MAGI2: variants seen among roughly 807,000 people sequenced by gnomAD.
The protein encoded by MAGI2 is membrane-associated guanylate kinase, WW and PDZ domain-containing protein 2.
In MAGI2, 35 loss-of-function variants were observed where a neutral mutation model predicts 133.3. That is an observed-to-expected ratio of 0.26 (90% CI 0.20 to 0.35). The LOEUF is 0.35. MAGI2 is among the 10% of genes least tolerant of loss of function. The pLI is 1.00. For missense variants in MAGI2, 1,636 were observed against 1,863.4 expected, an observed-to-expected ratio of 0.88 and a Z score of 2.25; for synonymous variants, 729 against 710.6, an observed-to-expected ratio of 1.03 and a Z score of -0.41.
chr7:78,213,090 C>A (rs537575382), intron 10 of MAGI2, among the ~76,000 whole-genome samples: 2 of 152,216 alleles, frequency 1.3e-5, no homozygotes, highest in Non-Finnish European at 2.9e-5. Context: ...ACTTTAAAAT[C>A]CTTTCTAGTG....
intron 2 of MAGI2, among the ~76,000 whole-genome samples, chr7:78,928,950 C>A (rs993913885): frequency 4.6e-5 from 7 of 151,920 alleles, no homozygotes; most frequent in African/African-American, 1.7e-4. Flanking sequence ...TAACAGATAC[C>A]ATCCAAATGC....
chr7:79,222,183 G>T (rs543419808), intron 1 of MAGI2, among the ~76,000 whole-genome samples: 2 of 151,938 alleles, frequency 1.3e-5, no homozygotes, highest in African/African-American at 4.8e-5. Context: ...AAACAGAAAG[G>T]TTCATAATAG....
intron 2 of MAGI2, among the ~76,000 whole-genome samples, chr7:78,802,873 C>A (rs1473010391): frequency 6.6e-6 from 1 of 151,198 alleles, no homozygotes; most frequent in Non-Finnish European, 1.5e-5. Flanking sequence ...ATCTCCATAC[C>A]TTCTGCTCAA....
chr7:79,283,281 C>T (rs923982856), intron 1 of MAGI2, among the ~76,000 whole-genome samples: 2 of 152,038 alleles, frequency 1.3e-5, no homozygotes, highest in African/African-American at 2.4e-5. Flanking sequence ...ATGCATGAAA[C>T]ATTGACATTT....
intron 2 of MAGI2, among the ~76,000 whole-genome samples, chr7:78,909,449 A>G (rs1798231199): frequency 6.6e-6 from 1 of 151,080 alleles, no homozygotes; most frequent in Admixed American, 6.6e-5. Flanking sequence ...AAAAAACAAA[A>G]AAAATTAGCC....
chr7:79,155,662 G>A (rs1320716867), intron 1 of MAGI2, among the ~76,000 whole-genome samples: 1 of 152,130 alleles, frequency 6.6e-6, no homozygotes, highest in Non-Finnish European at 1.5e-5. Flanking sequence ...GTTTTAGACA[G>A]AGGGTATAGC....
At chr7:78,059,337 T>C (rs1812980737) in intron 21 of MAGI2, among the ~76,000 whole-genome samples, 1 of 152,216 alleles carries the variant, frequency 6.6e-6, no homozygotes, top group Non-Finnish European at 1.5e-5. Context: ...CCACCACCCA[T>C]AAAGCACTTC....
chr7:79,162,871 T>C (rs1585085601), intron 1 of MAGI2, among the ~76,000 whole-genome samples: 1 of 152,082 alleles, frequency 6.6e-6, no homozygotes, highest in Non-Finnish European at 1.5e-5. Flanking sequence ...CTTATAACTT[T>C]GACTTTTGGT....
At chr7:78,755,724 A>C (rs73365891) in intron 2 of MAGI2, among the ~76,000 whole-genome samples, 2,686 of 152,262 alleles carry the variant, frequency 0.018, 73 homozygotes, top group African/African-American at 0.062. Flanking sequence ...GTAAGTTCAT[A>C]TGCCAAAGGC....
At chr7:79,151,065 G>C (rs1306229067) in intron 1 of MAGI2, among the ~76,000 whole-genome samples, 1 of 151,912 alleles carries the variant, frequency 6.6e-6, no homozygotes, top group Non-Finnish European at 1.5e-5. Context: ...AAAAAAACAT[G>C]TTAGCTTCCT....
chr7:79,196,689 G>A (rs983080450), intron 1 of MAGI2, among the ~76,000 whole-genome samples: 1 of 151,580 alleles, frequency 6.6e-6, no homozygotes, highest in African/African-American at 2.4e-5. Flanking sequence ...TCTTTCATTT[G>A]TAGAGTTTCC....
chr7:78,261,784 C>T (rs2150963640), intron 9 of MAGI2, among the ~76,000 whole-genome samples: 1 of 152,188 alleles, frequency 6.6e-6, no homozygotes, highest in East Asian at 1.9e-4. Context: ...TTTGACTGAG[C>T]TTTATTTTCT....
intron 1 of MAGI2, among the ~76,000 whole-genome samples, chr7:79,165,639 T>C (rs1824835491): frequency 6.6e-6 from 1 of 152,106 alleles, no homozygotes; most frequent in Non-Finnish European, 1.5e-5. Context: ...GCTGACAACA[T>C]AATTAGCACC....
intron 2 of MAGI2, among the ~76,000 whole-genome samples, chr7:78,813,966 G>A (rs1438445700): frequency 6.6e-6 from 1 of 152,116 alleles, no homozygotes; most frequent in Non-Finnish European, 1.5e-5. Flanking sequence ...AGACAAGAAT[G>A]TTTGTGCTAA....
At chr7:78,987,751 G>A (rs142839571) in intron 2 of MAGI2, among the ~76,000 whole-genome samples, 28 of 151,990 alleles carry the variant, frequency 1.8e-4, no homozygotes, top group African/African-American at 5.1e-4. Context: ...GAAATAACCA[G>A]CATGTCAAGT....
chr7:78,200,416 G>A (rs116908543), intron 11 of MAGI2, among the ~76,000 whole-genome samples: 144 of 152,272 alleles, frequency 9.5e-4, no homozygotes, highest in African/African-American at 3.0e-3. Flanking sequence ...CTATACTGGC[G>A]CAGACATTTT....
At chr7:79,331,376 T>G (rs1010895968) in intron 1 of MAGI2, among the ~76,000 whole-genome samples, 2 of 152,210 alleles carry the variant, frequency 1.3e-5, no homozygotes, top group African/African-American at 4.8e-5. Flanking sequence ...TAGTAATAGT[T>G]GGAAATTTGA....
intron 2 of MAGI2, among the ~76,000 whole-genome samples, chr7:78,838,796 T>C (rs1235234147): frequency 1.3e-5 from 2 of 151,984 alleles, no homozygotes; most frequent in Non-Finnish European, 2.9e-5. Flanking sequence ...AGTTACAGAA[T>C]ACACAGACTA....
chr7:78,767,900 T>A (rs1291830206), intron 2 of MAGI2, among the ~76,000 whole-genome samples: 1 of 152,224 alleles, frequency 6.6e-6, no homozygotes, highest in Non-Finnish European at 1.5e-5. Context: ...TAAGAACTCA[T>A]CGGCATCTTA....
Sources: allele counts gnomAD v4.1 joint callset (sites outside exome capture counted in the v4.1 genomes callset), GRCh38; gene constraint gnomAD v4.1.1; transcripts MANE v1.5; gene names NCBI Gene and HGNC (gene_info 2026-07-23, HGNC 2026-07-21).